Variants in ANAPC10 observed in about 807,000 individuals in gnomAD.
ANAPC10 encodes the protein anaphase-promoting complex subunit 10.
A neutral mutation model predicts 22.0 loss-of-function variants in ANAPC10; 12 were observed. The ratio of observed to expected loss-of-function variants is 0.55; its 90% CI spans 0.35 to 0.88. The LOEUF (loss-of-function observed/expected upper bound fraction) is 0.88. Among genes scored for constraint, ANAPC10 ranks in the 40% least tolerant of loss-of-function variants. The pLI, the probability that ANAPC10 is intolerant of heterozygous loss-of-function variation, is 0.01. For missense variants in ANAPC10, 188 were observed against 220.9 expected (o/e 0.85, Z 0.94); for synonymous variants, 65 against 69.5 (o/e 0.94, Z 0.32).
At chr4:145,028,401 T>C (rs1737059031) in intron 4 of ANAPC10, among the ~76,000 whole-genome samples, 1 of 152,176 alleles carries the variant, frequency 6.6e-6, no homozygotes, top group South Asian at 2.1e-4. Context: ...TGGTTCTCCT[T>C]GCTCTTCAGC....
At chr4:144,996,865 A>G (rs1731694133) in intron 4 of ANAPC10, among the ~76,000 whole-genome samples, 1 of 152,210 alleles carries the variant, frequency 6.6e-6, no homozygotes, top group South Asian at 2.1e-4. Flanking sequence ...ATGGCTAACT[A>G]GAATAAACAG....
intron 4 of ANAPC10, among the ~76,000 whole-genome samples, chr4:145,039,249 A>G (rs1739127851): frequency 6.6e-6 from 1 of 152,250 alleles, no homozygotes; most frequent in African/African-American, 2.4e-5. Flanking sequence ...TTCAAACTAG[A>G]ATTCCACAGC....
intron 4 of ANAPC10, among the ~76,000 whole-genome samples, chr4:145,045,453 T>A (rs1044940647): frequency 3.9e-5 from 6 of 152,084 alleles, no homozygotes; most frequent in African/African-American, 1.4e-4. Flanking sequence ...AAAAAAAATA[T>A]GAGTAAATTC....
intron 2 of ANAPC10, among the ~76,000 whole-genome samples, chr4:145,084,447 G>A (rs1332362292): frequency 6.6e-6 from 1 of 152,138 alleles, no homozygotes; most frequent in Non-Finnish European, 1.5e-5. Flanking sequence ...CAGGAAATAA[G>A]CCAGACATAT....
rs1186508724 is a variant in ANAPC10, at chr4:145,048,002, C to A, written c.327+16570G>T. Among the ~76,000 whole-genome samples, 7 of 152,198 alleles carry A rather than the reference C, an allele frequency of 4.6e-5. No individual in the cohort carries two copies. The East Asian group carries it at 1.4e-3, about 29-fold the overall frequency. On this transcript the variant is annotated intron_variant, in intron 4 of 4. Transcript: ENST00000507656. ...AGGCAAATTAGGATTGCCCTATATT[C>A]CCCAAAGCTATATTACATTCCCTTT...
chr4:145,043,004 AAG>A (rs1739742483), intron 4 of ANAPC10, among the ~76,000 whole-genome samples: 1 of 152,116 alleles, frequency 6.6e-6, no homozygotes, highest in Non-Finnish European at 1.5e-5. Context: ...AGAAGCACAA[AAG>A]AGGGGAAAAA....
At chr4:145,000,237 A>G (rs1418960262) in intron 4 of ANAPC10, among the ~76,000 whole-genome samples, 1 of 152,236 alleles carries the variant, frequency 6.6e-6, no homozygotes, top group African/African-American at 2.4e-5. Context: ...CTGCACGGCA[A>G]AAGAAACTAC....
intron 4 of ANAPC10, among the ~76,000 whole-genome samples, chr4:145,009,463 C>T (rs1733952574): frequency 6.6e-6 from 1 of 152,092 alleles, no homozygotes; most frequent in Admixed American, 6.6e-5. Flanking sequence ...GGTGCTGGTA[C>T]CAAAACAGAG....
At chr4:145,055,323 C>T (rs1175174920) in intron 4 of ANAPC10, among the ~76,000 whole-genome samples, 1 of 152,112 alleles carries the variant, frequency 6.6e-6, no homozygotes, top group South Asian at 2.1e-4. Flanking sequence ...TTTGAGAGGC[C>T]GAGGCGGCCA....
At chr4:145,047,561 C>T (rs1159105676) in intron 4 of ANAPC10, among the ~76,000 whole-genome samples, 1 of 152,134 alleles carries the variant, frequency 6.6e-6, no homozygotes, top group African/African-American at 2.4e-5. Flanking sequence ...CCTCTCAACA[C>T]AAGGCAAATC....
intron 4 of ANAPC10, among the ~76,000 whole-genome samples, chr4:145,026,955 GTGTATA>G (rs1435643745): frequency 5.9e-5 from 1 of 17,044 alleles, no homozygotes; most frequent in African/African-American, 2.3e-4. Context: ...ATGTGTGTGT[GTGTATA>G]TATATATATA....
intron 4 of ANAPC10, among the ~76,000 whole-genome samples, chr4:145,032,866 C>T (rs115326490): frequency 1.5e-3 from 226 of 152,362 alleles, no homozygotes; most frequent in African/African-American, 5.0e-3. Flanking sequence ...CTGGAATAGA[C>T]ACTTACCAGA....
intron 4 of ANAPC10, among the ~76,000 whole-genome samples, chr4:145,043,091 T>C (rs1287708592): frequency 3.3e-5 from 5 of 152,000 alleles, no homozygotes; most frequent in Non-Finnish European, 7.4e-5. Context: ...CTGCAACTCT[T>C]ACTAGAAACA....
chr4:145,014,388 T>C (rs922210558), intron 4 of ANAPC10, among the ~76,000 whole-genome samples: 5 of 151,908 alleles, frequency 3.3e-5, no homozygotes, highest in African/African-American at 1.2e-4. Context: ...CACAACTCCA[T>C]TGACCTGGGA....
At chr4:145,021,866 A>C (rs1179142664) in intron 4 of ANAPC10, among the ~76,000 whole-genome samples, 1 of 152,210 alleles carries the variant, frequency 6.6e-6, no homozygotes, top group Non-Finnish European at 1.5e-5. Context: ...GGACATGAAT[A>C]GACAATTATC....
chr4:145,091,192 T>A (rs1372738200), intron 2 of ANAPC10, among the ~76,000 whole-genome samples: 1 of 152,228 alleles, frequency 6.6e-6, no homozygotes, highest in African/African-American at 2.4e-5. Flanking sequence ...ATTGATCTCT[T>A]CTGCACCTCC....
chr4:145,039,425 T>C (rs1306946190), intron 4 of ANAPC10, among the ~76,000 whole-genome samples: 1 of 152,224 alleles, frequency 6.6e-6, no homozygotes, highest in Non-Finnish European at 1.5e-5. Flanking sequence ...GAAAGAGACA[T>C]GATTAAGGCT....
intron 4 of ANAPC10, among the ~76,000 whole-genome samples, chr4:145,037,097 A>T (rs1430422186): frequency 2.0e-5 from 3 of 151,456 alleles, no homozygotes; most frequent in Non-Finnish European, 4.4e-5. Context: ...GGAAACACTA[A>T]GGACCCAACA....
At chr4:144,999,298 G>C (rs1256846878) in intron 4 of ANAPC10, 1 of 154,240 alleles carries the variant, frequency 6.5e-6, no homozygotes, top group African/African-American at 2.4e-5. Flanking sequence ...CCAAAGCCTG[G>C]CAGAGACACA....
Sources: gnomAD v4.1 joint callset for allele counts (sites outside exome capture counted in the v4.1 genomes callset) on GRCh38, gnomAD v4.1.1 for gene constraint, MANE v1.5 for transcripts, NCBI Gene and HGNC (gene_info 2026-07-23, HGNC 2026-07-21) for gene names.